TBC1D30: variants seen among roughly 807,000 people sequenced by gnomAD.
The protein encoded by TBC1D30 is TBC1 domain family member 30.
Under a neutral mutation model 63.2 loss-of-function variants are expected in TBC1D30, and 31 were observed. The observed-to-expected ratio is 0.49, with a 90% CI of 0.37 to 0.66. The LOEUF (loss-of-function observed/expected upper bound fraction) is 0.66. Ranked by LOEUF, TBC1D30 falls within the 30% of genes least tolerant of loss-of-function variation. The probability of loss-of-function intolerance (pLI) is 0.00; values close to 1 mark genes in which losing one functional copy is unlikely to be tolerated. For synonymous variants in TBC1D30, 307 were observed against 361.5 expected, an observed-to-expected ratio of 0.85 and a Z score of 1.71; for missense variants, 810 against 953.6, an observed-to-expected ratio of 0.85 and a Z score of 1.98.
chr12:64,815,230 A>G (rs1033086719), intron 2 of TBC1D30, among the ~76,000 whole-genome samples: 6 of 152,206 alleles, frequency 3.9e-5, no homozygotes, highest in African/African-American at 1.4e-4. Context: ...TACAATGCCA[A>G]TTCTCTTTAC....
At chr12:64,799,508 G>A (rs1872481987) in intron 2 of TBC1D30, among the ~76,000 whole-genome samples, 1 of 152,204 alleles carries the variant, frequency 6.6e-6, no homozygotes, top group Admixed American at 6.5e-5. Flanking sequence ...AGGTTGCTGG[G>A]CTTTTCACTT....
At chr12:64,843,356 A>AT in intron 7 of TBC1D30, 24 bp from the exon 8 acceptor site, 1 of 1,532,374 alleles carries the variant, frequency 6.5e-7, no homozygotes, top group African/African-American at 1.4e-5. Context: ...AACAAGTTGT[A>AT]TTTTCTGTCC....
At chr12:64,872,756 G>T (rs1878758357) in intron 11 of TBC1D30, among the ~76,000 whole-genome samples, 1 of 152,190 alleles carries the variant, frequency 6.6e-6, no homozygotes. Flanking sequence ...GTTTCACATG[G>T]CTGGGGAGGC....
At chr12:64,816,924 T>C (rs1232312084) in intron 2 of TBC1D30, among the ~76,000 whole-genome samples, 1 of 152,040 alleles carries the variant, frequency 6.6e-6, no homozygotes. Context: ...AATCCTAGGC[T>C]CTCAAGTGAT....
rs557677023 is a variant in TBC1D30 at position 64,787,644 on chromosome 12, T to G, written c.643+1599T>G. ...TATGTTTATTATTAAAAGAAAATCC[T>G]GTATTTTCTTGCTTCTCTTCTATTA... is the stretch of plus-strand genomic sequence containing the variant. On this transcript the variant is annotated intron_variant, in intron 2 of 12. Transcript: ENST00000542120. 9.8e-5 allele frequency among the ~76,000 whole-genome samples: 15 copies of G among 152,352 alleles called. No homozygotes were observed. In the South Asian group the frequency reaches 3.1e-3, roughly 32 times the overall value.
At chr12:64,768,686 C>T (rs939590960) in intron 1 of TBC1D30, 4 of 152,126 alleles carry the variant, frequency 2.6e-5, no homozygotes, top group African/African-American at 9.7e-5. Flanking sequence ...AATTCATTTT[C>T]AATTGATGTA....
At chr12:64,820,205 C>T (rs1238197791), upstream of TBC1D30, among the ~76,000 whole-genome samples, 1 of 152,186 alleles carries the variant, frequency 6.6e-6, no homozygotes, top group Admixed American at 6.5e-5. Flanking sequence ...GTCTCAGACC[C>T]ACTTCCCCTT....
chr12:64,805,332 G>T (rs1436602047), intron 2 of TBC1D30, among the ~76,000 whole-genome samples: 1 of 152,196 alleles, frequency 6.6e-6, no homozygotes, highest in East Asian at 1.9e-4. Flanking sequence ...ATGTATCCAT[G>T]TTAATAGATT....
At chr12:64,792,714 G>A (rs1871995557) in intron 2 of TBC1D30, among the ~76,000 whole-genome samples, 1 of 152,128 alleles carries the variant, frequency 6.6e-6, no homozygotes, top group Admixed American at 6.5e-5. Context: ...GGGATTACAG[G>A]TGTGTGCCAC....
chr12:64,822,338 A>G (rs548872089), upstream of TBC1D30, among the ~76,000 whole-genome samples: 6 of 151,708 alleles, frequency 4.0e-5, no homozygotes, highest in Non-Finnish European at 8.8e-5. Flanking sequence ...ACACTACCAC[A>G]CCTGGCTAAG....
chr12:64,808,173 T>TA (rs2136326029), intron 2 of TBC1D30, among the ~76,000 whole-genome samples: 1 of 152,234 alleles, frequency 6.6e-6, no homozygotes, highest in Non-Finnish European at 1.5e-5. Context: ...ATGCAGTACT[T>TA]ACAATTTATC....
chr12:64,856,370 T>G (rs1302444486), intron 8 of TBC1D30, among the ~76,000 whole-genome samples: 1 of 152,164 alleles, frequency 6.6e-6, no homozygotes, highest in Non-Finnish European at 1.5e-5. Flanking sequence ...ATATCCAAAT[T>G]ATCACCAGGT....
chr12:64,790,290 G>A (rs537880863), intron 2 of TBC1D30, among the ~76,000 whole-genome samples: 2 of 152,166 alleles, frequency 1.3e-5, no homozygotes, highest in South Asian at 4.2e-4. Flanking sequence ...TAGTGTGCAG[G>A]AAAATACACC....
intron 6 of TBC1D30, among the ~76,000 whole-genome samples, chr12:64,837,979 T>C (rs529181662): frequency 2.9e-4 from 44 of 152,308 alleles, no homozygotes; most frequent in Non-Finnish European, 1.2e-4. Context: ...GGTATAATTG[T>C]ACATATTGGC....
chr12:64,828,594 A>G, intron 3 of TBC1D30, 85 bp downstream of exon 3: 1 of 869,526 alleles, frequency 1.2e-6, no homozygotes, highest in Non-Finnish European at 1.8e-6. Context: ...AATATATTCT[A>G]GGTTTAGTTA....
chr12:64,819,406 C>CTTTTT (rs55757950), intron 2 of TBC1D30, among the ~76,000 whole-genome samples: 1 of 77,992 alleles, frequency 1.3e-5, no homozygotes, highest in Non-Finnish European at 2.5e-5. Context: ...GAAGGAACTA[C>CTTTTT]TTTTTTTTTT....
chr12:64,765,445 C>T (rs192464016), intron 1 of TBC1D30, among the ~76,000 whole-genome samples: 2 of 132,710 alleles, frequency 1.5e-5, no homozygotes, highest in East Asian at 2.3e-4. Context: ...GCCGAGATTG[C>T]GCCACTACAC....
intron 2 of TBC1D30, among the ~76,000 whole-genome samples, chr12:64,808,860 G>A (rs1456025674): frequency 6.6e-6 from 1 of 151,800 alleles, no homozygotes; most frequent in Non-Finnish European, 1.5e-5. Flanking sequence ...ATATAATATA[G>A]TAATATATCC....
chr12:64,778,339 G>A (rs1871139729), upstream of TBC1D30, among the ~76,000 whole-genome samples: 1 of 151,966 alleles, frequency 6.6e-6, no homozygotes, highest in African/African-American at 2.4e-5. Flanking sequence ...ATATATCAAT[G>A]AACAAAATAG....
Sources: allele counts gnomAD v4.1 joint callset (sites outside exome capture counted in the v4.1 genomes callset), GRCh38; gene constraint gnomAD v4.1.1; transcripts MANE v1.5; gene names NCBI Gene and HGNC (gene_info 2026-07-23, HGNC 2026-07-21).